The following LYPD6 variants were observed in gnomAD, a reference collection of about 807,000 sequenced individuals.
LYPD6 encodes the protein ly6/PLAUR domain-containing protein 6.
LYPD6 carries 15 observed loss-of-function variants against 22.7 expected under a neutral mutation model. The observed-to-expected ratio is 0.66, with a 90% confidence interval of 0.44 to 1.02. The LOEUF (loss-of-function observed/expected upper bound fraction) is 1.02, where lower values mean the gene tolerates loss of function less well. Among genes scored for constraint, LYPD6 ranks in the 50% least tolerant of loss-of-function variants. The probability of loss-of-function intolerance (pLI) is 0.00; values close to 1 mark genes in which losing one functional copy is unlikely to be tolerated. For missense variants in LYPD6, 189 were observed against 208.4 expected, an observed-to-expected ratio of 0.91 and a Z score of 0.57; for synonymous variants, 72 against 77.5, an observed-to-expected ratio of 0.93 and a Z score of 0.37.
intron 1 of LYPD6, among the ~76,000 whole-genome samples, chr2:149,409,568 T>G (rs1682808011): frequency 6.6e-6 from 1 of 151,860 alleles, no homozygotes; most frequent in South Asian, 2.1e-4. Flanking sequence ...GACCACCAGG[T>G]TGGGGCAGGG....
At chr2:149,394,810 A>G (rs1034531283) in intron 1 of LYPD6, among the ~76,000 whole-genome samples, 1 of 152,148 alleles carries the variant, frequency 6.6e-6, no homozygotes, top group African/African-American at 2.4e-5. Flanking sequence ...CCAGTGTTGA[A>G]CAGCCTAGTT....
chr2:149,364,182 G>C (rs1307356289), intron 1 of LYPD6, among the ~76,000 whole-genome samples: 1 of 152,134 alleles, frequency 6.6e-6, no homozygotes, highest in Non-Finnish European at 1.5e-5. Context: ...GGCCAGTGTT[G>C]AGTTGCAAAT....
chr2:149,442,764 T>G (rs1036419358), intron 2 of LYPD6, among the ~76,000 whole-genome samples: 1 of 152,202 alleles, frequency 6.6e-6, no homozygotes, highest in Non-Finnish European at 1.5e-5. Flanking sequence ...AATTTAACCA[T>G]TTACTTGGTA....
At chr2:149,385,665 A>G (rs1682166463) in intron 1 of LYPD6, among the ~76,000 whole-genome samples, 2 of 152,224 alleles carry the variant, frequency 1.3e-5, no homozygotes, top group Non-Finnish European at 2.9e-5. Flanking sequence ...CAAACAGAGT[A>G]ATTAAGCCTC....
intron 1 of LYPD6, among the ~76,000 whole-genome samples, chr2:149,366,593 T>C (rs2105073123): frequency 6.6e-6 from 1 of 152,286 alleles, no homozygotes; most frequent in South Asian, 2.1e-4. Context: ...GGAGGTGCAC[T>C]TGCAGGGGGT....
chr2:149,423,849 G>T (rs927656759), intron 1 of LYPD6, among the ~76,000 whole-genome samples: 1 of 152,160 alleles, frequency 6.6e-6, no homozygotes, highest in Non-Finnish European at 1.5e-5. Flanking sequence ...TTTCTTCACT[G>T]CAGCACATTT....
intron 1 of LYPD6, among the ~76,000 whole-genome samples, chr2:149,342,629 G>A (rs930700574): frequency 4.1e-4 from 62 of 152,142 alleles, no homozygotes; most frequent in African/African-American, 1.3e-3. Context: ...CCTATTTGTG[G>A]GAGGGAATAA....
intron 1 of LYPD6, among the ~76,000 whole-genome samples, chr2:149,400,337 C>CT (rs1290326933): frequency 6.6e-6 from 1 of 152,208 alleles, no homozygotes; most frequent in Non-Finnish European, 1.5e-5. Context: ...TCGCACATGG[C>CT]TGTTTACCTA....
At chr2:149,387,882 C>T (rs1682222037) in intron 1 of LYPD6, among the ~76,000 whole-genome samples, 2 of 152,122 alleles carry the variant, frequency 1.3e-5, no homozygotes, top group Admixed American at 1.3e-4. Context: ...TCACTCTTGG[C>T]CTATGGAAGG....
chr2:149,435,227 G>A (rs1321424154), intron 1 of LYPD6, among the ~76,000 whole-genome samples: 1 of 152,214 alleles, frequency 6.6e-6, no homozygotes, highest in Non-Finnish European at 1.5e-5. Flanking sequence ...CCAGAACTGT[G>A]AGAAATCTCT....
rs1206942414 is a variant in LYPD6 at position 149,381,473 on chromosome 2, A to G, written c.-72+50751A>G. Among the ~76,000 whole-genome samples, 6 of 152,158 alleles carry G rather than the reference A, an allele frequency of 3.9e-5. No homozygotes were observed. In the East Asian group the frequency reaches 1.2e-3, roughly 29 times the overall value. On this transcript the variant is annotated intron_variant, in intron 1 of 4. Transcript: ENST00000334166. ...GTGTATGGGCAAGATTCTCACAGGT[A>G]GAGAGAGGTGGTGGTGAGACCATGT...
chr2:149,412,899 C>A (rs561159612), intron 1 of LYPD6, among the ~76,000 whole-genome samples: 1 of 152,260 alleles, frequency 6.6e-6, no homozygotes, highest in East Asian at 1.9e-4. Flanking sequence ...CTTTCATAAT[C>A]ATTAACTCAT....
intron 1 of LYPD6, among the ~76,000 whole-genome samples, chr2:149,429,106 T>A (rs1384337754): frequency 6.6e-6 from 1 of 152,092 alleles, no homozygotes; most frequent in Non-Finnish European, 1.5e-5. Context: ...CCTCCCACAT[T>A]CTCATACCTT....
chr2:149,476,729 A>G (rs1272908180), downstream of LYPD6, among the ~76,000 whole-genome samples: 8 of 152,330 alleles, frequency 5.3e-5, no homozygotes, highest in South Asian at 6.2e-4. Context: ...CTCCTCTTCC[A>G]TCTACAGAGG....
At chr2:149,477,622 C>CAA (rs35507967), downstream of LYPD6, among the ~76,000 whole-genome samples, 1,239 of 62,970 alleles carry the variant, frequency 0.02, 54 homozygotes, top group Non-Finnish European at 0.027. Context: ...AACTGTGTCT[C>CAA]AAAAAAAAAA....
chr2:149,454,145 A>C (rs770934545), intron 3 of LYPD6, among the ~76,000 whole-genome samples: 10 of 152,232 alleles, frequency 6.6e-5, no homozygotes, highest in Admixed American at 3.9e-4. Context: ...AGTCTTAGAC[A>C]TCCTCCTTTT....
chr2:149,330,491 G>T (rs1187232000), upstream of LYPD6: 2 of 149,188 alleles, frequency 1.3e-5, no homozygotes, highest in African/African-American at 4.9e-5. Flanking sequence ...CCTCGAGGCC[G>T]GGCCGGCCGC....
chr2:149,475,917 C>T (rs1430990445), downstream of LYPD6, among the ~76,000 whole-genome samples: 1 of 152,146 alleles, frequency 6.6e-6, no homozygotes, highest in Admixed American at 6.6e-5. Flanking sequence ...ATTCTTTGTT[C>T]CACACACATG....
intron 1 of LYPD6, among the ~76,000 whole-genome samples, chr2:149,371,143 G>C (rs541814004): frequency 5.3e-4 from 80 of 152,314 alleles, no homozygotes; most frequent in South Asian, 1.4e-3. Context: ...ATGGCTCACT[G>C]CAGCCTTGAC....
Sources: allele counts gnomAD v4.1 joint callset (sites outside exome capture counted in the v4.1 genomes callset), GRCh38; gene constraint gnomAD v4.1.1; transcripts MANE v1.5; gene names NCBI Gene and HGNC (gene_info 2026-07-23, HGNC 2026-07-21).